The following DEPDC1B variants were observed in gnomAD, a reference collection of about 807,000 sequenced individuals.
DEPDC1B encodes the protein DEP domain containing 1B.
A neutral mutation model predicts 66.5 loss-of-function variants in DEPDC1B; 51 were observed. That is an observed-to-expected ratio of 0.77 (90% CI 0.61 to 0.97). The LOEUF (loss-of-function observed/expected upper bound fraction) is 0.97. Ranked by LOEUF, DEPDC1B falls within the 50% of genes least tolerant of loss-of-function variation. The pLI, the probability that DEPDC1B is intolerant of heterozygous loss-of-function variation, is 0.00. For synonymous variants in DEPDC1B, 226 were observed against 223.6 expected (o/e 1.01, Z -0.10); for missense variants, 552 against 637.1 (o/e 0.87, Z 1.44).
chr5:60,686,877 A>T, intron 2 of DEPDC1B, 85 bp downstream of exon 2: 2 of 1,511,464 alleles, frequency 1.3e-6, no homozygotes, highest in Non-Finnish European at 1.8e-6. Context: ...GTAAATTCTT[A>T]CACATCAGGA....
At chr5:60,605,909 T>C (rs1466234468) in intron 7 of DEPDC1B, 53 bp from the exon 8 acceptor site, 10 of 1,455,412 alleles carry the variant, frequency 6.9e-6, no homozygotes, top group African/African-American at 5.7e-5. Flanking sequence ...CCTAGTAGAT[T>C]CTATATGGTT....
chr5:60,666,072 C>T (rs187731270), intron 2 of DEPDC1B, among the ~76,000 whole-genome samples: 9 of 152,322 alleles, frequency 5.9e-5, no homozygotes, highest in African/African-American at 2.2e-4. Flanking sequence ...TGAGCTTTCG[C>T]TCGCCGTCCA....
chr5:60,668,863 A>T (rs1378482957), intron 2 of DEPDC1B, among the ~76,000 whole-genome samples: 3 of 152,074 alleles, frequency 2.0e-5, no homozygotes, highest in Non-Finnish European at 4.4e-5. Flanking sequence ...AATAAAACTG[A>T]CAACATTTAA....
At chr5:60,647,331 A>T in intron 3 of DEPDC1B, 67 bp downstream of exon 3, 1 of 1,502,292 alleles carries the variant, frequency 6.7e-7, no homozygotes, top group South Asian at 1.4e-5. Flanking sequence ...CAGAAAGACC[A>T]AGCCTAGGAG....
At chr5:60,636,837 T>C (rs1753054319) in intron 7 of DEPDC1B, among the ~76,000 whole-genome samples, 1 of 152,126 alleles carries the variant, frequency 6.6e-6, no homozygotes, top group African/African-American at 2.4e-5. Flanking sequence ...AGGCAATAAA[T>C]TCCCCCAATC....
At chr5:60,682,619 G>C (rs1430118292) in intron 2 of DEPDC1B, among the ~76,000 whole-genome samples, 1 of 152,158 alleles carries the variant, frequency 6.6e-6, no homozygotes, top group South Asian at 2.1e-4. Flanking sequence ...ATTTCAGAAA[G>C]TGAAAGATGG....
intron 8 of DEPDC1B, 126 bp downstream of exon 8, chr5:60,605,564 G>A (rs1023907397): frequency 2.0e-5 from 20 of 984,394 alleles, no homozygotes; most frequent in South Asian, 4.0e-5. Context: ...AAGTCTGGGT[G>A]GACACTGACT....
chr5:60,672,420 C>T (rs1584090658), intron 2 of DEPDC1B, among the ~76,000 whole-genome samples: 1 of 152,172 alleles, frequency 6.6e-6, no homozygotes, highest in Admixed American at 6.5e-5. Flanking sequence ...AAAGGAGAAG[C>T]AAGCACCTTC....
chr5:60,633,963 G>T (rs1363487115), intron 7 of DEPDC1B, among the ~76,000 whole-genome samples: 7 of 152,116 alleles, frequency 4.6e-5, no homozygotes, highest in Non-Finnish European at 7.3e-5. Context: ...CACAATGTTG[G>T]GTGTGTGAGA....
At chr5:60,601,511 TTGGCCAAGCAA>T (rs1360571056) in intron 9 of DEPDC1B, among the ~76,000 whole-genome samples, 2 of 152,246 alleles carry the variant, frequency 1.3e-5, no homozygotes, top group African/African-American at 2.4e-5. Context: ...TTCATGGCCT[TTGGCCAAGCAA>T]TGCTGCCCCT....
At chr5:60,680,924 T>G (rs984599874) in intron 2 of DEPDC1B, among the ~76,000 whole-genome samples, 5 of 152,208 alleles carry the variant, frequency 3.3e-5, no homozygotes, top group Non-Finnish European at 7.3e-5. Flanking sequence ...AGACCTCATT[T>G]CAAATCCTGA....
At chr5:60,607,866 C>T (rs1019088601) in intron 7 of DEPDC1B, among the ~76,000 whole-genome samples, 3 of 152,070 alleles carry the variant, frequency 2.0e-5, no homozygotes, top group Non-Finnish European at 2.9e-5. Context: ...TACAGGAATG[C>T]GTCCAGCATC....
At chr5:60,639,729 G>A (rs1026619206) in intron 6 of DEPDC1B, among the ~76,000 whole-genome samples, 1 of 152,220 alleles carries the variant, frequency 6.6e-6, no homozygotes, top group Non-Finnish European at 1.5e-5. Flanking sequence ...ACACTGCCAA[G>A]TTGAGAGATG....
intron 2 of DEPDC1B, among the ~76,000 whole-genome samples, chr5:60,677,322 A>ACTCTCTCTCT (rs1171843425): frequency 6.3e-4 from 63 of 99,618 alleles, no homozygotes; most frequent in African/African-American, 3.5e-3. Context: ...ACACACACAC[A>ACTCTCTCTCT]CACACTCTCT....
intron 2 of DEPDC1B, 76 bp downstream of exon 2, chr5:60,686,886 G>A: frequency 6.4e-7 from 1 of 1,552,928 alleles, no homozygotes; most frequent in Middle Eastern, 1.7e-4. Flanking sequence ...TACACATCAG[G>A]AAGCTTCAAC....
intron 2 of DEPDC1B, among the ~76,000 whole-genome samples, chr5:60,657,063 A>C (rs898319403): frequency 1.3e-4 from 20 of 152,062 alleles, no homozygotes; most frequent in African/African-American, 4.8e-4. Context: ...GTCTTTTTTA[A>C]CTATTGTTGC....
intron 2 of DEPDC1B, among the ~76,000 whole-genome samples, chr5:60,680,105 T>C (rs1197724947): frequency 6.6e-6 from 1 of 152,142 alleles, no homozygotes; most frequent in African/African-American, 2.4e-5. Context: ...TATAAACATA[T>C]AAAGTAGTAT....
Position 60,652,370 on chromosome 5 carries a change from T to C in DEPDC1B, c.315-4837A>G, listed in dbSNP as rs973038042. ...TCAGTTTTTAGCAAGGGATGTATTGTGAAATTGCAAAAAAAGTAGGAAGAG... is the reference window on the plus strand; with the variant it reads ...TCAGTTTTTAGCAAGGGATGTATTGCGAAATTGCAAAAAAAGTAGGAAGAG... On this transcript the variant is annotated intron_variant, in intron 2 of 10. Coordinates refer to ENST00000265036, the MANE Select transcript of DEPDC1B (RefSeq NM_018369.3). Among the ~76,000 whole-genome samples the C allele has an allele frequency of 1.1e-4, 17 of 148,842 alleles. 1 individual carries two copies. The highest frequency in any genetic ancestry group is 4.3e-4 in the African/African-American group (17 of 39,412).
intron 5 of DEPDC1B, among the ~76,000 whole-genome samples, chr5:60,644,092 C>G (rs551216356): frequency 6.6e-6 from 1 of 152,310 alleles, no homozygotes. Flanking sequence ...AAGAACAAAT[C>G]AATGAGCCCA....
Sources: gnomAD v4.1 joint callset for allele counts (sites outside exome capture counted in the v4.1 genomes callset) on GRCh38, gnomAD v4.1.1 for gene constraint, MANE v1.5 for transcripts, NCBI Gene and HGNC (gene_info 2026-07-23, HGNC 2026-07-21) for gene names.